RAB23: variants seen among roughly 807,000 people sequenced by gnomAD.
RAB23 encodes the protein RAB23, member RAS oncogene family.
A neutral mutation model predicts 30.0 loss-of-function variants in RAB23; 15 were observed. The ratio of observed to expected loss-of-function variants is 0.50; its 90% CI spans 0.33 to 0.77. RAB23 has a LOEUF of 0.77. Among genes scored for constraint, RAB23 ranks in the 30% least tolerant of loss-of-function variants. The pLI is 0.02. For missense variants in RAB23, 243 were observed against 275.4 expected (o/e 0.88, Z 0.83); for synonymous variants, 93 against 94.0 (o/e 0.99, Z 0.06).
At chr6:57,205,188 A>C (rs2128001688) in intron 3 of RAB23, among the ~76,000 whole-genome samples, 1 of 151,530 alleles carries the variant, frequency 6.6e-6, no homozygotes, top group East Asian at 1.9e-4. Flanking sequence ...ACATATATAC[A>C]TATTACATAC....
At chr6:57,195,541 C>T (rs1369576825) in intron 4 of RAB23, among the ~76,000 whole-genome samples, 1 of 152,204 alleles carries the variant, frequency 6.6e-6, no homozygotes, top group Non-Finnish European at 1.5e-5. Flanking sequence ...CACTAATATG[C>T]AATACAAGGG....
intron 3 of RAB23, among the ~76,000 whole-genome samples, chr6:57,202,399 G>A (rs567648043): frequency 2.6e-5 from 4 of 152,282 alleles, no homozygotes; most frequent in Non-Finnish European, 5.9e-5. Context: ...GGAGCACAAT[G>A]TGATCCAAGT....
At chr6:57,211,412 G>A (rs1341906821) in intron 1 of RAB23, among the ~76,000 whole-genome samples, 1 of 152,040 alleles carries the variant, frequency 6.6e-6, no homozygotes, top group Non-Finnish European at 1.5e-5. Context: ...GTGAGCTATG[G>A]TCACGCCACT....
rs1764789776 is a variant in RAB23 at position 57,190,320 on chromosome 6, C to T, written c.*141G>A. The T allele has an allele frequency of 1.0e-6, 1 of 990,642 alleles. No individual in the cohort carries two copies. The highest frequency in any genetic ancestry group is 1.6e-5 in the African/African-American group (1 of 62,884). The allele number at this position is 990,642 out of a possible 1,614,324, so 61.4% of individuals were successfully genotyped here. On this transcript the variant is annotated 3_prime_UTR_variant, in exon 7 of 7. Coordinates refer to ENST00000468148, the MANE Select transcript of RAB23 (RefSeq NM_016277.5). ...TCACTCTACATTCTGAAAAGCACTG[C>T]AGAGCAATATTTAAGTCTGTCACTT...
chr6:57,188,461 G>C lies in RAB23; in HGVS notation c.*2000C>G, dbSNP rs1764697186. On this transcript the variant is annotated 3_prime_UTR_variant, in exon 7 of 7. Coordinates refer to ENST00000468148, the MANE Select transcript of RAB23 (RefSeq NM_016277.5). The stretch of plus-strand genomic sequence containing the variant: ...AATATAGAAAGGTAACACGCTTTTA[G>C]CCACACAGCTAACATGAAAAAGAAC... 6.6e-6 allele frequency: 1 copy of C among 152,064 alleles called. No individual in the cohort carries two copies. The highest frequency in any genetic ancestry group is 6.5e-5 in the Admixed American group (1 of 15,272). 9.4% of individuals were successfully genotyped at this position (152,064 alleles called of 1,614,324 possible).
In RAB23 at chr6:57,188,579, A is replaced by AGAG. The variant is rs1388258728; in HGVS notation, c.*1879_*1881dup. On this transcript the variant is annotated 3_prime_UTR_variant, in exon 7 of 7. Transcript: ENST00000468148. ...TTATTTTGTGCAAAAATTAAAGAGGAGAGTAGAGAGTAGAAAATTGAAGAG... is the reference window on the plus strand; with the variant it reads ...TTATTTTGTGCAAAAATTAAAGAGGAGAGGAGTAGAGAGTAGAAAATTGAAGAG... The AGAG allele has an allele frequency of 1.3e-5, 2 of 152,152 alleles. No individual in the cohort carries two copies. The highest frequency in any genetic ancestry group is 3.8e-4 in the East Asian group (2 of 5,198). 9.4% of individuals were successfully genotyped at this position (152,152 alleles called of 1,614,324 possible). A position where few individuals can be genotyped will look rare whatever the true frequency, so the allele number is the denominator to read the frequency against.
intron 3 of RAB23, among the ~76,000 whole-genome samples, chr6:57,204,665 G>C (rs1765388021): frequency 1.3e-5 from 2 of 152,032 alleles, no homozygotes; most frequent in African/African-American, 4.8e-5. Context: ...GATTTAAGAA[G>C]TAAAAAAGAT....
rs1766074889 is a variant in RAB23 at position 57,221,855 on chromosome 6, C to A, written c.-195G>T. ...CGAACCGGGGGATGGGGGAGCCGGG[C>A]CGGGAGGCCCCTGCCCTCGATACCC... On this transcript the variant is annotated 5_prime_UTR_variant, in exon 1 of 7. Coordinates refer to ENST00000468148, the MANE Select transcript of RAB23 (RefSeq NM_016277.5). 1 of 152,528 alleles carries A rather than the reference C, an allele frequency of 6.6e-6. No homozygotes were observed. The highest frequency in any genetic ancestry group is 1.5e-5 in the Non-Finnish European group (1 of 68,294). The allele number at this position is 152,528 out of a possible 1,614,324, so 9.4% of individuals were successfully genotyped here.
chr6:57,200,235 A>G (rs1039394054), intron 3 of RAB23, among the ~76,000 whole-genome samples: 3 of 151,678 alleles, frequency 2.0e-5, no homozygotes, highest in Non-Finnish European at 4.4e-5. Context: ...TGGAAAGGAA[A>G]AGGATCTGTA....
intron 1 of RAB23, among the ~76,000 whole-genome samples, chr6:57,212,933 C>G (rs1428857146): frequency 6.6e-6 from 1 of 151,900 alleles, no homozygotes; most frequent in African/African-American, 2.4e-5. Context: ...CTGCATCTTG[C>G]CCTCTGAGTA....
chr6:57,206,523 G>C (rs1323836240), intron 3 of RAB23, among the ~76,000 whole-genome samples: 1 of 152,160 alleles, frequency 6.6e-6, no homozygotes, highest in Non-Finnish European at 1.5e-5. Context: ...ACTGTTATCA[G>C]AAAGGAGGCA....
At chr6:57,218,657 C>A (rs1765936755) in intron 1 of RAB23, among the ~76,000 whole-genome samples, 1 of 152,070 alleles carries the variant, frequency 6.6e-6, no homozygotes, top group Non-Finnish European at 1.5e-5. Context: ...TCGAGACCAG[C>A]CTGGACAACA....
chr6:57,189,193 T>C lies in RAB23; in HGVS notation c.*1268A>G, dbSNP rs1275740036. The C allele has an allele frequency of 6.6e-6, 1 of 152,186 alleles. No individual in the cohort carries two copies. The highest frequency in any genetic ancestry group is 1.9e-4 in the East Asian group (1 of 5,200). The allele number at this position is 152,186 out of a possible 1,614,324, so 9.4% of individuals were successfully genotyped here. On this transcript the variant is annotated 3_prime_UTR_variant, in exon 7 of 7. Transcript: ENST00000468148. ...ACACATGATTACATATTAAATCATT[T>C]TGTAAAAGAAATGATTCTGTATGTG...
intron 1 of RAB23, 143 bp from the exon 2 acceptor site, chr6:57,210,588 A>T (rs2128004331): frequency 1.6e-6 from 1 of 620,142 alleles, no homozygotes; most frequent in Middle Eastern, 4.1e-4. Context: ...GATAATGTAA[A>T]CTCTTTGAAA....
intron 1 of RAB23, among the ~76,000 whole-genome samples, chr6:57,215,699 C>T (rs1765811366): frequency 2.0e-5 from 3 of 151,796 alleles, no homozygotes; most frequent in Non-Finnish European, 4.4e-5. Flanking sequence ...CTTGGAGTGT[C>T]AGAACAAAAG....
intron 1 of RAB23, among the ~76,000 whole-genome samples, chr6:57,211,179 G>A (rs371544069): frequency 6.6e-6 from 1 of 152,304 alleles, no homozygotes; most frequent in East Asian, 1.9e-4. Context: ...GGGCAGGTGT[G>A]GTGGCTCATG....
Position 57,196,558 on chromosome 6 carries a change from A to G in RAB23, c.290T>C (p.Phe97Ser). 2 of 1,614,030 alleles carry G rather than the reference A, an allele frequency of 1.2e-6. No individual in the cohort carries two copies. The highest frequency in any genetic ancestry group is 8.5e-7 in the Non-Finnish European group (1 of 1,179,952). The change falls in exon 4 of 7, where the codon TTT becomes TCT. Residue 97 changes from phenylalanine to serine, a missense_variant. Phe to Ser is a radical substitution (Grantham distance 155). Coordinates refer to ENST00000468148, the MANE Select transcript of RAB23 (RefSeq NM_016277.5). ...CTCTCTCCAACTGGAAACTGCTTCA[A>G]AAGATTCCCTATCTGTGGTAGAGAA... ...LVFSTTDRES[F>S]EAVSSWREKV... is the part of the protein sequence containing the mutation.
In RAB23 at chr6:57,189,608, A is replaced by C. The variant is rs1764753539; in HGVS notation, c.*853T>G. 6.6e-6 allele frequency: 1 copy of C among 152,610 alleles called. No individual in the cohort carries two copies. Among genetic ancestry groups the C allele is most frequent in the Non-Finnish European group, 1.5e-5 (1 of 68,052 alleles). The allele number at this position is 152,610 out of a possible 1,614,324, so 9.5% of individuals were successfully genotyped here. ...AGATCTGCAATAAGGCTCACCTGGG[A>C]GATGCTCTAGCATTCAAATTCCTAT... is the stretch of plus-strand genomic sequence containing the variant. On this transcript the variant is annotated 3_prime_UTR_variant, in exon 7 of 7. Transcript: ENST00000468148.
chr6:57,201,084 C>CTTTTTTT (rs201367113), intron 3 of RAB23, among the ~76,000 whole-genome samples: 1 of 136,906 alleles, frequency 7.3e-6, no homozygotes, highest in African/African-American at 3.0e-5. Context: ...TTTTCTCTCT[C>CTTTTTTT]TCTTTTTTTT....
Sources: allele counts gnomAD v4.1 joint callset (sites outside exome capture counted in the v4.1 genomes callset), GRCh38; gene constraint gnomAD v4.1.1; transcripts MANE v1.5; gene names NCBI Gene and HGNC (gene_info 2026-07-23, HGNC 2026-07-21).